PCDH11X: variants seen among roughly 807,000 people sequenced by gnomAD.
PCDH11X encodes protocadherin 11 X-linked.
A neutral mutation model predicts 53.3 loss-of-function variants in PCDH11X; 18 were observed. The observed-to-expected ratio is 0.34, with a 90% confidence interval of 0.23 to 0.50. PCDH11X has a LOEUF of 0.50. Ranked by LOEUF, PCDH11X falls within the 20% of genes least tolerant of loss-of-function variation. The pLI is 0.98. For synonymous variants in PCDH11X, 279 were observed against 393.3 expected, an observed-to-expected ratio of 0.71 and a Z score of 3.44; for missense variants, 570 against 1,032.4, an observed-to-expected ratio of 0.55 and a Z score of 6.14.
intron 5 of PCDH11X, among the ~76,000 whole-genome samples, chrX:91,867,744 G>A (rs1028249522): frequency 1.8e-5 from 2 of 110,579 alleles, no homozygotes; most frequent in Admixed American, 1.9e-4. Flanking sequence ...CACTTATCCC[G>A]GATACATATC....
intron 5 of PCDH11X, among the ~76,000 whole-genome samples, chrX:91,866,896 T>C (rs1173070539): frequency 9.0e-6 from 1 of 111,480 alleles, no homozygotes; most frequent in Non-Finnish European, 1.9e-5. Flanking sequence ...CCACCCATAA[T>C]CATTTTTATC....
intron 6 of PCDH11X, among the ~76,000 whole-genome samples, chrX:92,096,857 G>C (rs780553681): frequency 9.0e-6 from 1 of 111,018 alleles, no homozygotes; most frequent in Non-Finnish European, 1.9e-5. Flanking sequence ...TTTGGATGGG[G>C]ACACAGCCAA....
intron 6 of PCDH11X, among the ~76,000 whole-genome samples, chrX:91,998,216 G>T (rs1216615848): frequency 9.1e-6 from 1 of 109,518 alleles, no homozygotes; most frequent in Non-Finnish European, 1.9e-5. Context: ...ATACAGGCAT[G>T]AGCCACCGCA....
chrX:92,048,776 C>T, intron 6 of PCDH11X, among the ~76,000 whole-genome samples: 1 of 112,034 alleles, frequency 8.9e-6, no homozygotes, highest in Non-Finnish European at 1.9e-5. Context: ...ATATCAGTGA[C>T]CATGGCCCGT....
chrX:92,564,441 T>G (rs1485338829), intron 10 of PCDH11X, among the ~76,000 whole-genome samples: 2 of 102,289 alleles, frequency 2.0e-5, no homozygotes, highest in East Asian at 6.0e-4. Flanking sequence ...GGGAACAGAA[T>G]AGAGAACTCA....
intron 6 of PCDH11X, among the ~76,000 whole-genome samples, chrX:91,920,033 C>T (rs1043609842): frequency 1.8e-5 from 2 of 111,549 alleles, no homozygotes; most frequent in African/African-American, 6.5e-5. Flanking sequence ...TGAAGTAACA[C>T]TAATTAAAAG....
intron 10 of PCDH11X, among the ~76,000 whole-genome samples, chrX:92,615,317 C>G (rs908430236): frequency 9.0e-6 from 1 of 111,172 alleles, no homozygotes; most frequent in Non-Finnish European, 1.9e-5. Flanking sequence ...CAAGTGGGCG[C>G]TCCAGATGCT....
chrX:92,541,923 T>G (rs1385702966), intron 10 of PCDH11X, among the ~76,000 whole-genome samples: 2 of 110,421 alleles, frequency 1.8e-5, no homozygotes, highest in Admixed American at 1.9e-4. Context: ...CACTCCAGCC[T>G]GGGTGACAGA....
At chrX:91,987,378 G>C (rs961518130) in intron 6 of PCDH11X, among the ~76,000 whole-genome samples, 2 of 111,935 alleles carry the variant, frequency 1.8e-5, no homozygotes, top group African/African-American at 6.5e-5. Flanking sequence ...CACCACACTC[G>C]ACCCAGACAT....
intron 8 of PCDH11X, among the ~76,000 whole-genome samples, chrX:92,338,560 C>G (rs1269072251): frequency 9.1e-6 from 1 of 110,096 alleles, no homozygotes; most frequent in Non-Finnish European, 1.9e-5. Context: ...GGATTTAGAC[C>G]CCACTACCTA....
chrX:92,454,421 G>C (rs928003288), intron 9 of PCDH11X, among the ~76,000 whole-genome samples: 28 of 110,147 alleles, frequency 2.5e-4, no homozygotes, highest in Admixed American at 1.6e-3. Flanking sequence ...AATATGTTTG[G>C]TTCAACGAGT....
At chrX:92,087,943 GAT>G (rs1176347904) in intron 6 of PCDH11X, among the ~76,000 whole-genome samples, 3 of 104,420 alleles carry the variant, frequency 2.9e-5, no homozygotes, top group Non-Finnish European at 3.9e-5. Flanking sequence ...ATATATATAT[GAT>G]ATATATATAA....
chrX:92,285,246 A>ATT (rs36047305), intron 8 of PCDH11X, among the ~76,000 whole-genome samples: 65 of 40,727 alleles, frequency 1.6e-3, no homozygotes, highest in African/African-American at 2.7e-3. Flanking sequence ...AGACTGTAGA[A>ATT]TTTTTTTTTT....
chrX:92,564,807 G>A (rs1921267615), intron 10 of PCDH11X, among the ~76,000 whole-genome samples: 1 of 110,610 alleles, frequency 9.0e-6, no homozygotes, highest in East Asian at 2.9e-4. Context: ...CACAGCAAAG[G>A]ATACAATAAA....
chrX:92,586,581 G>A (rs1378611601), intron 10 of PCDH11X, among the ~76,000 whole-genome samples: 1 of 105,459 alleles, frequency 9.5e-6, no homozygotes, highest in Non-Finnish European at 2.0e-5. Context: ...CCAAGTTCTT[G>A]TCTGCCTACC....
intron 6 of PCDH11X, among the ~76,000 whole-genome samples, chrX:91,969,608 G>A (rs894915496): frequency 3.7e-5 from 4 of 108,912 alleles, no homozygotes; most frequent in Non-Finnish European, 7.6e-5. Context: ...AGAACAGCCT[G>A]GGCAACATAG....
At chrX:91,969,819 G>GA (rs1480358027) in intron 6 of PCDH11X, among the ~76,000 whole-genome samples, 1 of 106,123 alleles carries the variant, frequency 9.4e-6, no homozygotes, top group African/African-American at 3.4e-5. Flanking sequence ...AAGGAAAAAA[G>GA]AAAAAAGCAA....
At chrX:92,416,283 T>C (rs1279713187) in intron 9 of PCDH11X, among the ~76,000 whole-genome samples, 2 of 110,369 alleles carry the variant, frequency 1.8e-5, no homozygotes, top group Non-Finnish European at 3.8e-5. Flanking sequence ...CTATAGTCAA[T>C]AATAACTGTA....
At chrX:92,225,010 T>G (rs1015967969) in intron 7 of PCDH11X, among the ~76,000 whole-genome samples, 19 of 111,597 alleles carry the variant, frequency 1.7e-4, no homozygotes, top group Non-Finnish European at 3.6e-4. Flanking sequence ...GCTGTTAGTA[T>G]GTAGTATAGA....
Sources: gnomAD v4.1 joint callset for allele counts (sites outside exome capture counted in the v4.1 genomes callset) on GRCh38, gnomAD v4.1.1 for gene constraint, MANE v1.5 for transcripts, NCBI Gene and HGNC (gene_info 2026-07-23, HGNC 2026-07-21) for gene names.